Variants in HIPK3 observed in about 807,000 individuals in gnomAD.
The protein encoded by HIPK3 is homeodomain-interacting protein kinase 3.
Under a neutral mutation model 124.2 loss-of-function variants are expected in HIPK3, and 47 were observed. That is an observed-to-expected ratio of 0.38 (90% CI 0.30 to 0.48). HIPK3 has a LOEUF of 0.48. HIPK3 is among the 20% of genes least tolerant of loss of function. HIPK3 has a pLI of 0.98. For synonymous variants in HIPK3, 482 were observed against 515.2 expected (o/e 0.94, Z 0.87); for missense variants, 1,286 against 1,454.3 (o/e 0.88, Z 1.88).
At chr11:33,324,256 T>C (rs886851059) in intron 2 of HIPK3, among the ~76,000 whole-genome samples, 1 of 152,210 alleles carries the variant, frequency 6.6e-6, no homozygotes, top group Admixed American at 6.5e-5. Flanking sequence ...TAAAGTGTAT[T>C]GTGTTGTAAA....
intron 1 of HIPK3, 105 bp from the exon 2 acceptor site, chr11:33,286,308 C>T: frequency 4.0e-6 from 4 of 1,010,466 alleles, no homozygotes; most frequent in South Asian, 2.2e-5. Flanking sequence ...TGAATTTGAC[C>T]CTTAAGAGTT....
rs1407773720 is a variant in HIPK3 at position 33,340,608 on chromosome 11, T to C, written c.1614-360T>C. Among the ~76,000 whole-genome samples the C allele has an allele frequency of 5.9e-5, 9 of 152,208 alleles. 1 individual carries two copies. The highest frequency in any genetic ancestry group is 3.9e-4 in the Admixed American group (6 of 15,284). ...CCTAATGTTTTTCATATACAGTCAC[T>C]TTGAAAGTAACATGATAGCAACTCT... On this transcript the variant is annotated intron_variant, in intron 6 of 16. Coordinates refer to ENST00000303296, the MANE Select transcript of HIPK3 (RefSeq NM_005734.5).
chr11:33,278,213 G>A (rs949537328), intron 1 of HIPK3, among the ~76,000 whole-genome samples: 9 of 152,098 alleles, frequency 5.9e-5, no homozygotes, highest in African/African-American at 1.9e-4. Context: ...AAATCTTTAT[G>A]AATACATTTT....
intron 2 of HIPK3, among the ~76,000 whole-genome samples, chr11:33,309,968 A>G (rs1373761872): frequency 2.6e-5 from 4 of 152,154 alleles, no homozygotes; most frequent in African/African-American, 7.2e-5. Context: ...TTTCTGCTGA[A>G]GTTCTCTGCC....
At position 33,338,882 on chromosome 11, in the gene HIPK3, A is replaced by G. The variant is rs756588958; in HGVS notation, c.1428+39A>G. The G allele has an allele frequency of 4.2e-6, 6 of 1,430,702 alleles. No homozygotes were observed. The East Asian group carries it at 1.4e-4, about 33-fold the overall frequency. 88.6% of individuals were successfully genotyped at this position (1,430,702 alleles called of 1,614,324 possible). On this transcript the variant is annotated intron_variant, in intron 5 of 16. Transcript: ENST00000303296. ...CCACATTTGTTCATCTTACATGCTT[A>G]GATGGTAGACTTGAATGCCAAGGGG...
chr11:33,330,342 CT>C (rs1852937904), intron 3 of HIPK3, among the ~76,000 whole-genome samples: 1 of 151,840 alleles, frequency 6.6e-6, no homozygotes. Flanking sequence ...TTTCTTTTTT[CT>C]TTTGAGATGA....
At chr11:33,327,380 T>C (rs1235857283) in intron 2 of HIPK3, among the ~76,000 whole-genome samples, 1 of 152,168 alleles carries the variant, frequency 6.6e-6, no homozygotes, top group Non-Finnish European at 1.5e-5. Context: ...TAATATGTTA[T>C]ACAAAGGTCA....
chr11:33,314,641 G>A (rs544581201), intron 2 of HIPK3, among the ~76,000 whole-genome samples: 1 of 152,248 alleles, frequency 6.6e-6, no homozygotes, highest in South Asian at 2.1e-4. Context: ...GGGTGACAGA[G>A]AGAGACTCCA....
At position 33,356,084 on chromosome 11, in the gene HIPK3, A is replaced by G. The variant is rs1223785243; in HGVS notation, c.*2516A>G. On this transcript the variant is annotated 3_prime_UTR_variant, in exon 17 of 17. Coordinates refer to ENST00000303296, the MANE Select transcript of HIPK3 (RefSeq NM_005734.5). ...GATTGATTGTATCACAACAGGTACA[A>G]AACTGACAGAGTTTTCTTTTTGTTT... 1 of 152,032 alleles carries G rather than the reference A, an allele frequency of 6.6e-6. No individual in the cohort carries two copies. Among genetic ancestry groups the G allele is most frequent in the African/African-American group, 2.4e-5 (1 of 41,452 alleles). The allele number at this position is 152,032 out of a possible 1,614,324, so 9.4% of individuals were successfully genotyped here. A position where few individuals can be genotyped will look rare whatever the true frequency, so the allele number is the denominator to read the frequency against.
At chr11:33,330,845 T>G (rs1360096454) in intron 3 of HIPK3, among the ~76,000 whole-genome samples, 1 of 151,964 alleles carries the variant, frequency 6.6e-6, no homozygotes, top group African/African-American at 2.4e-5. Flanking sequence ...CTTTTTTTTT[T>G]GCACTTGTTA....
At position 33,353,647 on chromosome 11, in the gene HIPK3, C is replaced by CT; in HGVS notation, c.*79_*80insT. On this transcript the variant is annotated 3_prime_UTR_variant, in exon 17 of 17. Coordinates refer to ENST00000303296, the MANE Select transcript of HIPK3 (RefSeq NM_005734.5). Reference sequence around the variant, plus strand: ...ACATGGTATTTAATATTAGCCATGGCACAAGAAAATTATTTTTGAATCATG... The same window carrying CT: ...ACATGGTATTTAATATTAGCCATGGCTACAAGAAAATTATTTTTGAATCATG... The CT allele has an allele frequency of 1.0e-6, 1 of 976,640 alleles. No homozygotes were observed. The highest frequency in any genetic ancestry group is 1.5e-6 in the Non-Finnish European group (1 of 646,702). 60.5% of individuals were successfully genotyped at this position (976,640 alleles called of 1,614,324 possible).
At position 33,287,081 on chromosome 11, in the gene HIPK3, G is replaced by T. The variant is rs1224146309; in HGVS notation, c.667G>T (p.Val223Leu). Reference protein sequence around the residue: ...KCWKRGTNEIVAIKILKNHPS... With the variant: ...KCWKRGTNEILAIKILKNHPS... ...CTGGAAAAGAGGGACAAATGAAATT[G>T]TAGCAATCAAAATTTTGAAGAATCA... Residue 223 changes from valine to leucine, a missense_variant, in exon 2 of 17, where the codon GTA becomes TTA. Physicochemically the swap from Val to Leu is conservative, Grantham distance 32 (BLOSUM62 1). Coordinates refer to ENST00000303296, the MANE Select transcript of HIPK3 (RefSeq NM_005734.5). 1 of 1,614,066 alleles carries T rather than the reference G, an allele frequency of 6.2e-7. No individual in the cohort carries two copies. Among genetic ancestry groups the T allele is most frequent in the Non-Finnish European group, 8.5e-7 (1 of 1,180,024 alleles).
At chr11:33,265,903 G>A (rs1454761708) in intron 1 of HIPK3, among the ~76,000 whole-genome samples, 1 of 151,378 alleles carries the variant, frequency 6.6e-6, no homozygotes, top group Non-Finnish European at 1.5e-5. Context: ...GGCTAACATG[G>A]TGAAACCCAG....
intron 1 of HIPK3, among the ~76,000 whole-genome samples, chr11:33,265,852 G>A (rs566361432): frequency 1.3e-5 from 2 of 150,848 alleles, no homozygotes; most frequent in East Asian, 3.9e-4. Context: ...TGGGGAGGCC[G>A]AGGCGGGTGG....
intron 2 of HIPK3, among the ~76,000 whole-genome samples, chr11:33,298,949 C>A (rs1851915177): frequency 6.6e-6 from 1 of 152,032 alleles, no homozygotes; most frequent in Non-Finnish European, 1.5e-5. Context: ...TGGGTTCAGG[C>A]AATTCTCCTG....
chr11:33,277,424 C>G (rs1051755149), intron 1 of HIPK3, among the ~76,000 whole-genome samples: 2 of 152,162 alleles, frequency 1.3e-5, no homozygotes, highest in African/African-American at 4.8e-5. Flanking sequence ...ATTTTAACAT[C>G]TTTGAAATTG....
At chr11:33,350,774 T>C (rs1853635052) in intron 14 of HIPK3, among the ~76,000 whole-genome samples, 1 of 152,284 alleles carries the variant, frequency 6.6e-6, no homozygotes, top group East Asian at 1.9e-4. Context: ...ATTTTACACA[T>C]CTTTTTCCTT....
In HIPK3 at chr11:33,315,730, A is replaced by G. The variant is rs187552779; in HGVS notation, c.1098-12780A>G. 9.4e-3 allele frequency among the ~76,000 whole-genome samples: 1,426 copies of G among 152,308 alleles called. 6 individuals are homozygous for G. The highest frequency in any genetic ancestry group is 0.014 in the Non-Finnish European group (964 of 68,030). ...AGAAATGCAAATTATTGCTGTATTC[A>G]TCTCTTTTGGTATTGGGCTGTGAAC... On this transcript the variant is annotated intron_variant, in intron 2 of 16. Coordinates refer to ENST00000303296, the MANE Select transcript of HIPK3 (RefSeq NM_005734.5).
At chr11:33,351,269 G>A (rs1281410844) in intron 14 of HIPK3, among the ~76,000 whole-genome samples, 1 of 152,054 alleles carries the variant, frequency 6.6e-6, no homozygotes, top group Non-Finnish European at 1.5e-5. Context: ...CCAGAGCAGT[G>A]CCTCTTTTGT....
Sources: allele counts gnomAD v4.1 joint callset (sites outside exome capture counted in the v4.1 genomes callset), GRCh38; gene constraint gnomAD v4.1.1; transcripts MANE v1.5; gene names NCBI Gene and HGNC (gene_info 2026-07-23, HGNC 2026-07-21).